Variants in IQCK observed in about 807,000 individuals in gnomAD.
IQCK encodes the protein IQ motif containing K.
In IQCK, 29 loss-of-function variants were observed where a neutral mutation model predicts 28.1. The observed-to-expected ratio is 1.03, with a 90% CI of 0.77 to 1.41. The LOEUF is 1.41. Among genes scored for constraint, IQCK ranks in the 40% most tolerant of loss-of-function variants. IQCK has a pLI of 0.00. For synonymous variants in IQCK, 113 were observed against 115.1 expected (o/e 0.98, Z 0.12); for missense variants, 359 against 314.7 (o/e 1.14, Z -1.07).
intron 4 of IQCK, among the ~76,000 whole-genome samples, chr16:19,744,001 G>T (rs2054872236): frequency 6.6e-6 from 1 of 152,078 alleles, no homozygotes; most frequent in Non-Finnish European, 1.5e-5. Flanking sequence ...TGTGTGTATA[G>T]GTGTAGGTGT....
chr16:19,856,768 T>C (rs1597618971), exon 10 of IQCK: 2 of 537,134 alleles, frequency 3.7e-6, no homozygotes, highest in African/African-American at 3.8e-5. Flanking sequence ...ATCCCCACAT[T>C]TTATTCATTC....
At chr16:19,852,699 T>C (rs904090805) in intron 9 of IQCK, among the ~76,000 whole-genome samples, 10 of 150,256 alleles carry the variant, frequency 6.7e-5, no homozygotes, top group Admixed American at 5.3e-4. Flanking sequence ...CTTGGCTTAC[T>C]GCAAGCTCCG....
At chr16:19,846,407 ATC>A (rs2056415990) in intron 9 of IQCK, among the ~76,000 whole-genome samples, 2 of 152,166 alleles carry the variant, frequency 1.3e-5, no homozygotes, top group African/African-American at 4.8e-5. Flanking sequence ...CTTTTATTGA[ATC>A]TCTCTTTTTC....
At chr16:19,733,752 C>T (rs866879090) in exon 3 of IQCK, 2 of 1,614,060 alleles carry the variant, frequency 1.2e-6, no homozygotes, top group African/African-American at 2.7e-5. Context: ...GCACTATTTT[C>T]CGGTTTCCCA....
At position 19,775,580 on chromosome 16, in the gene IQCK, T is replaced by C. The variant is rs148059264; in HGVS notation, c.605+11468T>C. 4.7e-3 allele frequency among the ~76,000 whole-genome samples: 715 copies of C among 152,296 alleles called. 5 individuals are homozygous for C. Among genetic ancestry groups the C allele is most frequent in the African/African-American group, 0.017 (698 of 41,570 alleles). On this transcript the variant is annotated intron_variant, in intron 6 of 7. Transcript: ENST00000564186. Reference sequence around the variant, plus strand: ...GCTAGGCTAGGCTAGGTTGCAGTTATAAACAATACCAAAATACCAGTGGCT... The same window carrying C: ...GCTAGGCTAGGCTAGGTTGCAGTTACAAACAATACCAAAATACCAGTGGCT...
At chr16:19,718,369 C>T in exon 1 of IQCK, 1 of 1,609,444 alleles carries the variant, frequency 6.2e-7, no homozygotes, top group Non-Finnish European at 8.5e-7. Context: ...GCTCTACAGA[C>T]TCGTCGTTCA....
intron 4 of IQCK, among the ~76,000 whole-genome samples, chr16:19,746,821 G>C (rs1035531962): frequency 7.2e-5 from 11 of 152,244 alleles, no homozygotes; most frequent in Non-Finnish European, 1.5e-4. Flanking sequence ...CGCCGGCTTT[G>C]AGGGGCATGG....
At chr16:19,733,162 A>T (rs2151682732) in intron 2 of IQCK, among the ~76,000 whole-genome samples, 1 of 149,818 alleles carries the variant, frequency 6.7e-6, no homozygotes, top group African/African-American at 2.5e-5. Flanking sequence ...TTTGAGATGG[A>T]GTTTCACTCT....
intron 4 of IQCK, among the ~76,000 whole-genome samples, chr16:19,757,055 A>C (rs1224567021): frequency 6.6e-6 from 1 of 152,146 alleles, no homozygotes; most frequent in African/African-American, 2.4e-5. Context: ...GTTGTTTATT[A>C]GTTACCCAGT....
chr16:19,855,745 C>T (rs1373139648), intron 9 of IQCK, among the ~76,000 whole-genome samples: 2 of 152,136 alleles, frequency 1.3e-5, no homozygotes, highest in Non-Finnish European at 2.9e-5. Flanking sequence ...TTTACCAGAA[C>T]AATGCTCTCC....
intron 7 of IQCK, among the ~76,000 whole-genome samples, chr16:19,807,366 A>C (rs1396984567): frequency 6.6e-6 from 1 of 152,132 alleles, no homozygotes; most frequent in Non-Finnish European, 1.5e-5. Context: ...CGCCTGGGGG[A>C]TGTTTGTTAT....
chr16:19,781,688 G>T (rs1243322813), intron 6 of IQCK, among the ~76,000 whole-genome samples: 2 of 152,086 alleles, frequency 1.3e-5, no homozygotes, highest in African/African-American at 2.4e-5. Context: ...AAGTTTGTAA[G>T]CCAATAATGT....
intron 4 of IQCK, chr16:19,762,089 TC>T (rs1186927567): frequency 6.6e-6 from 1 of 152,460 alleles, no homozygotes; most frequent in African/African-American, 2.4e-5. Context: ...TTCTCAGAGG[TC>T]CCTAGAATAT....
chr16:19,746,343 A>G (rs1199356539), intron 4 of IQCK, among the ~76,000 whole-genome samples: 1 of 152,186 alleles, frequency 6.6e-6, no homozygotes, highest in Non-Finnish European at 1.5e-5. Flanking sequence ...ATCCAATTAC[A>G]TAGACTTTTT....
intron 6 of IQCK, among the ~76,000 whole-genome samples, chr16:19,774,703 A>T (rs970382844): frequency 1.3e-5 from 2 of 152,164 alleles, no homozygotes; most frequent in African/African-American, 4.8e-5. Flanking sequence ...CTTTAAAATT[A>T]TGGGGCAGGT....
intron 7 of IQCK, among the ~76,000 whole-genome samples, chr16:19,814,220 CAAA>C (rs71146272): frequency 4.9e-3 from 95 of 19,422 alleles, no homozygotes; most frequent in South Asian, 0.01. Context: ...AACTCTATCT[CAAA>C]AAAAAAAAAA....
chr16:19,733,575 C>A (rs1412721876), intron 2 of IQCK, 123 bp from the exon 3 acceptor site: 15 of 1,072,692 alleles, frequency 1.4e-5, no homozygotes, highest in Non-Finnish European at 1.9e-5. Flanking sequence ...GATCTGTGCT[C>A]AGCGTACCCC....
chr16:19,844,398 G>A (rs752815042), intron 9 of IQCK, among the ~76,000 whole-genome samples: 1 of 152,072 alleles, frequency 6.6e-6, no homozygotes, highest in Non-Finnish European at 1.5e-5. Flanking sequence ...GAAGACTTCA[G>A]AGTTGAACCC....
chr16:19,785,802 G>T (rs2055554454), intron 6 of IQCK, among the ~76,000 whole-genome samples: 1 of 152,208 alleles, frequency 6.6e-6, no homozygotes, highest in Non-Finnish European at 1.5e-5. Flanking sequence ...CCTGGCTCTT[G>T]AGCCGCTGCT....
Sources: allele counts gnomAD v4.1 joint callset (sites outside exome capture counted in the v4.1 genomes callset), GRCh38; gene constraint gnomAD v4.1.1; transcripts MANE v1.5; gene names NCBI Gene and HGNC (gene_info 2026-07-23, HGNC 2026-07-21).